Variants in COL8A1 observed in about 807,000 individuals in gnomAD.
COL8A1 encodes the protein collagen type VIII alpha 1 chain, also known as collagen alpha-1(VIII) chain.
Under a neutral mutation model 42.7 loss-of-function variants are expected in COL8A1, and 21 were observed. The ratio of observed to expected loss-of-function variants is 0.49; its 90% CI spans 0.35 to 0.71. The LOEUF is 0.71. Among genes scored for constraint, COL8A1 ranks in the 30% least tolerant of loss-of-function variants. COL8A1 has a pLI of 0.01. For synonymous variants in COL8A1, 367 were observed against 369.1 expected (o/e 0.99, Z 0.06); for missense variants, 788 against 962.4 (o/e 0.82, Z 2.40).
At chr3:99,773,648 A>G (rs1941625740) in intron 2 of COL8A1, among the ~76,000 whole-genome samples, 1 of 150,820 alleles carries the variant, frequency 6.6e-6, no homozygotes, top group Non-Finnish European at 1.5e-5. Flanking sequence ...AATGCTGGAA[A>G]TGTTTATTTC....
intron 1 of COL8A1, among the ~76,000 whole-genome samples, chr3:99,738,045 T>G (rs375158650): frequency 1.3e-5 from 2 of 152,196 alleles, no homozygotes; most frequent in African/African-American, 2.4e-5. Flanking sequence ...GCATTCTTCA[T>G]GTAGTTCTCG....
At chr3:99,757,540 G>T (rs792836) in intron 2 of COL8A1, among the ~76,000 whole-genome samples, 77,877 of 151,944 alleles carry the variant, frequency 0.51, 20,182 homozygotes, top group East Asian at 0.67. Flanking sequence ...TTTGACTGCC[G>T]TATTAATTCT....
Position 99,755,039 on chromosome 3 carries a change from G to A in COL8A1, c.-4+10018G>A, listed in dbSNP as rs143952170. On this transcript the variant is annotated intron_variant, in intron 2 of 3. Coordinates refer to ENST00000652472, the MANE Select transcript of COL8A1 (RefSeq NM_020351.4). ...ACCTCATTTTAGTAGATTTCTTGAT[G>A]TCATTTCAAGTATTTGCACATATTT... Among the ~76,000 whole-genome samples the A allele has an allele frequency of 2.3e-4, 35 of 152,260 alleles. 1 individual carries two copies. The highest frequency in any genetic ancestry group is 6.8e-3 in the Middle Eastern group (2 of 294).
At chr3:99,770,717 T>A (rs1490678985) in intron 2 of COL8A1, among the ~76,000 whole-genome samples, 1 of 152,166 alleles carries the variant, frequency 6.6e-6, no homozygotes, top group African/African-American at 2.4e-5. Context: ...CATTCAATCA[T>A]TTTTTTCCAC....
At chr3:99,687,735 T>C (rs1306095493) in intron 1 of COL8A1, among the ~76,000 whole-genome samples, 1 of 152,200 alleles carries the variant, frequency 6.6e-6, no homozygotes, top group Non-Finnish European at 1.5e-5. Context: ...TGTATTATAC[T>C]AATAACATTA....
intron 1 of COL8A1, among the ~76,000 whole-genome samples, chr3:99,693,385 G>C (rs1939278712): frequency 6.6e-6 from 1 of 152,150 alleles, no homozygotes; most frequent in African/African-American, 2.4e-5. Context: ...TCCAAAAGAA[G>C]GCATAGGATA....
In COL8A1 at chr3:99,680,535, G is replaced by T. The variant is rs375013600; in HGVS notation, c.-129+41871G>T. The T allele has an allele frequency of 3.9e-5, 6 of 152,194 alleles. No homozygotes were observed. The East Asian group carries it at 5.8e-4, about 15-fold the overall frequency. 9.4% of individuals were successfully genotyped at this position (152,194 alleles called of 1,614,324 possible). A position where few individuals can be genotyped will look rare whatever the true frequency, so the allele number is the denominator to read the frequency against. ...CAGTAATGGGATGGCTGGGTCAAAT[G>T]GTATTTCTAGTTCTAGATCCTTGAG... On this transcript the variant is annotated intron_variant, in intron 1 of 3. Coordinates refer to ENST00000652472, the MANE Select transcript of COL8A1 (RefSeq NM_020351.4).
intron 1 of COL8A1, among the ~76,000 whole-genome samples, chr3:99,699,153 T>C (rs1471295134): frequency 6.6e-6 from 1 of 152,198 alleles, no homozygotes; most frequent in South Asian, 2.1e-4. Flanking sequence ...CTCCATCACA[T>C]GTATCCAAAC....
Position 99,794,431 on chromosome 3 carries a change from C to A in COL8A1, c.530C>A (p.Ala177Glu), listed in dbSNP as rs1390404503. The A allele has an allele frequency of 6.8e-6, 11 of 1,613,696 alleles. No individual in the cohort carries two copies. The highest frequency in any genetic ancestry group is 9.3e-6 in the Non-Finnish European group (11 of 1,179,910). Residue 177 changes from alanine to glutamate, a missense_variant, in exon 4 of 4, where the codon GCA becomes GAA. Around this residue, in one of 4 missense-constraint regions of COL8A1, gnomAD observed 421 missense variants for 553.1 expected, o/e 0.76. Transcript: ENST00000652472. This position sits in a 1 kb window ranked among gnomAD's most constrained non-coding sequence, Gnocchi z 4.3. ...CCAGGAGCCATGGGCATGCCTGGGG[C>A]AAAAGGAGAAATTGGACAGAAAGGG... Reference protein sequence around the residue: ...GKPGAMGMPGAKGEIGQKGEI... With the variant: ...GKPGAMGMPGEKGEIGQKGEI...
At chr3:99,745,993 T>C (rs1234526608) in intron 2 of COL8A1, among the ~76,000 whole-genome samples, 1 of 152,218 alleles carries the variant, frequency 6.6e-6, no homozygotes, top group African/African-American at 2.4e-5. Context: ...ATGGTTTTTA[T>C]AGTCTATTTA....
At position 99,795,102 on chromosome 3, in the gene COL8A1, A is replaced by G. The variant is rs1290755758; in HGVS notation, c.1201A>G (p.Met401Val). ...AGGCCTGCCTGGAATCCCAGGTCCTATGGGCCCTCCAGGTGCTATTGGTTT... is the reference window on the plus strand; with the variant it reads ...AGGCCTGCCTGGAATCCCAGGTCCTGTGGGCCCTCCAGGTGCTATTGGTTT... ...EPGLPGIPGP[M>V]GPPGAIGFPG... Residue 401 changes from methionine (M) to valine (V), a missense_variant, in exon 4 of 4, where the codon ATG (methionine) becomes GTG (valine). Around this residue, in one of 4 missense-constraint regions of COL8A1, gnomAD observed 421 missense variants for 553.1 expected, o/e 0.76. Transcript: ENST00000652472. The G allele has an allele frequency of 4.3e-6, 7 of 1,613,114 alleles. No homozygotes were observed. The highest frequency in any genetic ancestry group is 1.1e-5 in the South Asian group (1 of 90,996).
Position 99,695,539 on chromosome 3 carries a change from C to A in COL8A1, c.-128-49358C>A, listed in dbSNP as rs565311938. Among the ~76,000 whole-genome samples the A allele has an allele frequency of 2.2e-4, 34 of 152,064 alleles. 1 individual carries two copies. The highest frequency in any genetic ancestry group is 6.3e-3 in the Middle Eastern group (2 of 316). On this transcript the variant is annotated intron_variant, in intron 1 of 3. Transcript: ENST00000652472. ...AAATAATTAAAAATCAGAAGACCAGCTGGATTGGATGTTCTTTCTTCTCCT... is the reference window on the plus strand; with the variant it reads ...AAATAATTAAAAATCAGAAGACCAGATGGATTGGATGTTCTTTCTTCTCCT...
intron 1 of COL8A1, among the ~76,000 whole-genome samples, chr3:99,710,461 AG>A (rs1939802810): frequency 6.6e-6 from 1 of 152,222 alleles, no homozygotes; most frequent in Non-Finnish European, 1.5e-5. Context: ...TCCAAATAAA[AG>A]GGACATTGTT....
chr3:99,693,132 G>A (rs1939270876), intron 1 of COL8A1, among the ~76,000 whole-genome samples: 1 of 152,210 alleles, frequency 6.6e-6, no homozygotes, highest in Non-Finnish European at 1.5e-5. Context: ...GGAGGTTGCA[G>A]TGAGCCAGGA....
At chr3:99,719,256 G>A (rs534943236) in intron 1 of COL8A1, among the ~76,000 whole-genome samples, 1 of 152,092 alleles carries the variant, frequency 6.6e-6, no homozygotes, top group African/African-American at 2.4e-5. Flanking sequence ...CATAGTTCAG[G>A]CTCTGTGCTG....
At chr3:99,769,542 A>G (rs868134238) in intron 2 of COL8A1, among the ~76,000 whole-genome samples, 14 of 152,370 alleles carry the variant, frequency 9.2e-5, no homozygotes, top group Middle Eastern at 3.4e-3. Flanking sequence ...TCCCAATATT[A>G]GCATCATGTT....
At chr3:99,677,152 A>G (rs1297263506) in intron 1 of COL8A1, among the ~76,000 whole-genome samples, 1 of 151,844 alleles carries the variant, frequency 6.6e-6, no homozygotes, top group Admixed American at 6.6e-5. Flanking sequence ...TTACATATAT[A>G]TATATAAGCA....
intron 1 of COL8A1, chr3:99,675,806 A>C (rs1938675437): frequency 6.6e-6 from 1 of 152,486 alleles, no homozygotes; most frequent in Admixed American, 6.6e-5. Flanking sequence ...TGTAAGTAGA[A>C]TTTTGACCCC....
At position 99,738,109 on chromosome 3, in the gene COL8A1, T is replaced by C. The variant is rs572734925; in HGVS notation, c.-128-6788T>C. On this transcript the variant is annotated intron_variant, in intron 1 of 3. Transcript: ENST00000652472. ...TTTAAGCACTTCTCTGTATTGGTTA[T>C]TCTAGTTTTACATTCTTCTAAATTT... Among the ~76,000 whole-genome samples, 3 of 152,326 alleles carry C rather than the reference T, an allele frequency of 2.0e-5. No homozygotes were observed. The South Asian group carries it at 6.2e-4, about 32-fold the overall frequency.
Sources: allele counts gnomAD v4.1 joint callset (sites outside exome capture counted in the v4.1 genomes callset), GRCh38; gene constraint gnomAD v4.1.1; regional missense constraint gnomAD v4.1.1; non-coding constraint Gnocchi (gnomAD v3.1); transcripts MANE v1.5; gene names NCBI Gene and HGNC (gene_info 2026-07-23, HGNC 2026-07-21).